C13orf46: variants seen among roughly 807,000 people sequenced by gnomAD.
C13orf46 encodes chromosome 13 open reading frame 46.
At chr13:113,967,699 C>T (rs1350742954) in intron 4 of C13orf46, among the ~76,000 whole-genome samples, 12 of 152,182 alleles carry the variant, frequency 7.9e-5, no homozygotes, top group Admixed American at 6.5e-4. Context: ...CCAACCTCAT[C>T]CTCTGAGAAC....
At chr13:113,929,911 G>A in the C13orf46 span, among the ~76,000 whole-genome samples, 9 of 152,244 alleles carry the variant, frequency 5.9e-5, no homozygotes, top group African/African-American at 2.2e-4. Context: ...CTGTCCTCAG[G>A]CTGCCAGGGA....
At chr13:113,934,061 G>A in the C13orf46 span, among the ~76,000 whole-genome samples, 1 of 152,086 alleles carries the variant, frequency 6.6e-6, no homozygotes, top group African/African-American at 2.4e-5. Flanking sequence ...TGTGCCCCGC[G>A]GGGCCCTTCT....
the C13orf46 span, among the ~76,000 whole-genome samples, chr13:113,934,757 G>T: frequency 6.6e-6 from 1 of 152,228 alleles, no homozygotes; most frequent in African/African-American, 2.4e-5. Context: ...GTGTCGCTGC[G>T]GAGATGTGCT....
chr13:113,965,836 ATGGTGATGATGGTG>A, intron 5 of C13orf46, among the ~76,000 whole-genome samples: 1 of 69,132 alleles, frequency 1.4e-5, no homozygotes, highest in Non-Finnish European at 2.6e-5. Flanking sequence ...GATAATGGTG[ATGGTGATGATGGTG>A]ATGGTGGTGA....
intron 1 of C13orf46, among the ~76,000 whole-genome samples, chr13:113,972,911 C>A (rs534371631): frequency 6.6e-6 from 1 of 152,336 alleles, no homozygotes; most frequent in South Asian, 2.1e-4. Flanking sequence ...CGGCTGGAGC[C>A]CCCACAGCTC....
the C13orf46 span, among the ~76,000 whole-genome samples, chr13:113,945,612 GAAAGAAAGAAAGA>G: frequency 3.4e-5 from 3 of 87,820 alleles, no homozygotes. Flanking sequence ...AAAGAAGAAA[GAAAGAAAGAAAGA>G]AAGAAAGAAA....
rs1273592475 is a variant in C13orf46 at position 113,954,271 on chromosome 13, G to A, written c.*2502C>T. ...CCTTAGAGACACCCGGATCAGAGATGCTGCAGGTCACCTGCCCGTGCCCTC... is the reference window on the plus strand; with the variant it reads ...CCTTAGAGACACCCGGATCAGAGATACTGCAGGTCACCTGCCCGTGCCCTC... On this transcript the variant is annotated 3_prime_UTR_variant, in exon 7 of 7. Coordinates refer to ENST00000636427, the MANE Select transcript of C13orf46 (RefSeq NM_001365455.2). The A allele has an allele frequency of 2.0e-5, 3 of 152,366 alleles. No homozygotes were observed. The highest frequency in any genetic ancestry group is 4.4e-5 in the Non-Finnish European group (3 of 68,118). The allele number at this position is 152,366 out of a possible 1,614,324, so 9.4% of individuals were successfully genotyped here. A position where few individuals can be genotyped will look rare whatever the true frequency, so the allele number is the denominator to read the frequency against.
At position 113,967,872 on chromosome 13, in the gene C13orf46, C is replaced by T. The variant is rs948614005; in HGVS notation, c.457-484G>A. ...CCCCCCGGGATGTGAACGGCTTCAG[C>T]GGCTCAGGGTTTTGCTGTCCCAAGG... On this transcript the variant is annotated intron_variant, in intron 4 of 6. Coordinates refer to ENST00000636427, the MANE Select transcript of C13orf46 (RefSeq NM_001365455.2). 1.6e-3 allele frequency among the ~76,000 whole-genome samples: 250 copies of T among 152,312 alleles called. 1 individual carries two copies. Among genetic ancestry groups the T allele is most frequent in the Admixed American group, 4.2e-3 (65 of 15,306 alleles).
At chr13:113,971,675 C>A (rs1014898155) in intron 1 of C13orf46, among the ~76,000 whole-genome samples, 7 of 152,364 alleles carry the variant, frequency 4.6e-5, no homozygotes, top group African/African-American at 1.7e-4. Context: ...GGAGGCCTCC[C>A]TGTGAAGTGG....
the C13orf46 span, among the ~76,000 whole-genome samples, chr13:113,942,706 G>A: frequency 2.0e-5 from 3 of 152,240 alleles, no homozygotes; most frequent in African/African-American, 4.8e-5. Context: ...GAGGGAGGAT[G>A]AGGGAGACGG....
the C13orf46 span, among the ~76,000 whole-genome samples, chr13:113,932,147 C>T: frequency 6.6e-6 from 1 of 152,218 alleles, no homozygotes; most frequent in Non-Finnish European, 1.5e-5. Flanking sequence ...ATAATTGGTT[C>T]ATCCACTGAC....
chr13:113,957,582 T>A (rs2052548835), intron 6 of C13orf46, among the ~76,000 whole-genome samples: 1 of 107,252 alleles, frequency 9.3e-6, no homozygotes, highest in African/African-American at 3.8e-5. Context: ...CTGGGGGGTC[T>A]CCCCTGCACT....
At chr13:113,929,627 A>T in the C13orf46 span, among the ~76,000 whole-genome samples, 1 of 152,184 alleles carries the variant, frequency 6.6e-6, no homozygotes, top group Non-Finnish European at 1.5e-5. Flanking sequence ...GGGAGTGACC[A>T]TGGGTGAAGT....
chr13:113,945,755 G>C, the C13orf46 span, among the ~76,000 whole-genome samples: 3 of 152,144 alleles, frequency 2.0e-5, no homozygotes, highest in Non-Finnish European at 2.9e-5. Context: ...CGAAAATGTA[G>C]CTCATTTTGT....
the C13orf46 span, among the ~76,000 whole-genome samples, chr13:113,931,466 T>A: frequency 6.6e-6 from 1 of 152,110 alleles, no homozygotes; most frequent in Non-Finnish European, 1.5e-5. Flanking sequence ...AGACGCCAAG[T>A]GGAAGGGAGT....
chr13:113,942,834 C>A, the C13orf46 span, among the ~76,000 whole-genome samples: 2 of 152,322 alleles, frequency 1.3e-5, no homozygotes, highest in South Asian at 2.1e-4. Context: ...GGTCCTCTGG[C>A]GTCTCCTTGG....
In C13orf46 at chr13:113,956,197, C is replaced by T. The variant is rs982695190; in HGVS notation, c.*576G>A. On this transcript the variant is annotated 3_prime_UTR_variant, in exon 7 of 7. Coordinates refer to ENST00000636427, the MANE Select transcript of C13orf46 (RefSeq NM_001365455.2). ...GGAGACAAGGAGCATCCGGTGGAGACGAGGAGCACCCGGTGGAGACGAGGA... is the reference window on the plus strand; with the variant it reads ...GGAGACAAGGAGCATCCGGTGGAGATGAGGAGCACCCGGTGGAGACGAGGA... 1.0e-4 allele frequency: 15 copies of T among 143,872 alleles called. No individual in the cohort carries two copies. Among genetic ancestry groups the T allele is most frequent in the African/African-American group, 2.7e-4 (10 of 36,950 alleles). 8.9% of individuals were successfully genotyped at this position (143,872 alleles called of 1,614,324 possible).
chr13:113,948,372 G>A, the C13orf46 span, among the ~76,000 whole-genome samples: 1 of 152,186 alleles, frequency 6.6e-6, no homozygotes, highest in Non-Finnish European at 1.5e-5. Context: ...CTTATGAGTG[G>A]CTTTGACCAA....
chr13:113,958,057 CGG>C (rs879092793), intron 6 of C13orf46, among the ~76,000 whole-genome samples: 1 of 127,882 alleles, frequency 7.8e-6, no homozygotes. Flanking sequence ...TCAAGTGCAC[CGG>C]GGGGGTCTCC....
Sources: gnomAD v4.1 joint callset for allele counts (sites outside exome capture counted in the v4.1 genomes callset) on GRCh38, gnomAD v4.1.1 for gene constraint, MANE v1.5 for transcripts, NCBI Gene and HGNC (gene_info 2026-07-23, HGNC 2026-07-21) for gene names.